The following TET3 variants were observed in gnomAD, a reference collection of about 807,000 sequenced individuals.
TET3 encodes the protein methylcytosine dioxygenase TET3.
Under a neutral mutation model 141.4 loss-of-function variants are expected in TET3, and 19 were observed. That is an observed-to-expected ratio of 0.13 (90% CI 0.09 to 0.20). The LOEUF (loss-of-function observed/expected upper bound fraction) is 0.20, where lower values mean the gene tolerates loss of function less well. TET3 is among the 10% of genes least tolerant of loss of function. The probability of loss-of-function intolerance (pLI) is 1.00; values close to 1 mark genes in which losing one functional copy is unlikely to be tolerated. For synonymous variants in TET3, 1,043 were observed against 980.9 expected, an observed-to-expected ratio of 1.06 and a Z score of -1.18; for missense variants, 1,874 against 2,356.9, an observed-to-expected ratio of 0.80 and a Z score of 4.24.
chr2:74,078,322 G>T (rs1050551719), intron 5 of TET3, among the ~76,000 whole-genome samples: 31 of 152,050 alleles, frequency 2.0e-4, no homozygotes, highest in Non-Finnish European at 1.9e-4. Flanking sequence ...ATTTTCTAAG[G>T]ATTTACAAAG....
chr2:74,125,448 G>A, the TET3 span, among the ~76,000 whole-genome samples: 1 of 152,202 alleles, frequency 6.6e-6, no homozygotes, highest in Non-Finnish European at 1.5e-5. Context: ...TCCTTGGCTA[G>A]TTTTGACTAT....
At chr2:74,113,032 A>AAC (rs1466135875), downstream of TET3, among the ~76,000 whole-genome samples, 3 of 148,520 alleles carry the variant, frequency 2.0e-5, no homozygotes, top group Non-Finnish European at 4.4e-5. Context: ...AAAAAAAAAA[A>AAC]AAACCCACAG....
In TET3 at chr2:74,101,226, C is replaced by G. The variant is rs1168123092; in HGVS notation, c.4438C>G (p.Leu1480Val). The change falls in exon 12 of 12, where the codon CTG becomes GTG. Residue 1480 changes from leucine to valine, a missense_variant. Coordinates refer to ENST00000409262, the MANE Select transcript of TET3 (RefSeq NM_001287491.2). The surrounding 1 kb of genome is among the most constrained non-coding windows in gnomAD (Gnocchi z 8.5). ...DKLSSFGASCLAPSHFTDGQW... is the reference protein window; with the variant it reads ...DKLSSFGASCVAPSHFTDGQW... ...GCTCAGTTCCTTTGGGGCCAGCTGC[C>G]TGGCCCCTTCCCACTTCACAGATGG... 6.2e-7 allele frequency: 1 copy of G among 1,612,982 alleles called. No individual in the cohort carries two copies. Among genetic ancestry groups the G allele is most frequent in the South Asian group, 1.1e-5 (1 of 90,928 alleles).
At position 74,047,929 on chromosome 2, in the gene TET3, C is replaced by T. The variant is rs758159255; in HGVS notation, c.2012C>T (p.Pro671Leu). 4 of 1,613,710 alleles carry T rather than the reference C, an allele frequency of 2.5e-6. No homozygotes were observed. The highest frequency in any genetic ancestry group is 4.5e-5 in the East Asian group (2 of 44,864). The change falls in exon 4 of 12, where the codon CCC (proline) becomes CTC (leucine). Residue 671 changes from proline to leucine, a missense_variant. Coordinates refer to ENST00000409262, the MANE Select transcript of TET3 (RefSeq NM_001287491.2). The stretch of plus-strand genomic sequence containing the variant: ...TCTCTTGCGCTATTTGCACCTAGTC[C>T]CTCCAGGGACAGCCTGCTGCCCCCT... ...EPSLALFAPS[P>L]SRDSLLPPTQ...
the TET3 span, among the ~76,000 whole-genome samples, chr2:74,124,565 T>C: frequency 6.6e-6 from 1 of 152,246 alleles, no homozygotes; most frequent in Non-Finnish European, 1.5e-5. Flanking sequence ...GGAGACTCCA[T>C]TTTGTTCTGT....
At chr2:74,031,813 A>C (rs1686708805) in intron 3 of TET3, among the ~76,000 whole-genome samples, 2 of 152,204 alleles carry the variant, frequency 1.3e-5, no homozygotes, top group Non-Finnish European at 2.9e-5. Context: ...GGGCAAACAC[A>C]CAGGGATTCC....
intron 2 of TET3, 76 bp downstream of exon 2, chr2:73,986,782 G>T (rs530447162): frequency 5.0e-5 from 60 of 1,198,430 alleles, no homozygotes; most frequent in Admixed American, 3.0e-4. Flanking sequence ...TTCAAGCAAG[G>T]CTCGTCCAGT....
At chr2:73,997,589 G>A (rs1173222102) in intron 2 of TET3, among the ~76,000 whole-genome samples, 1 of 152,094 alleles carries the variant, frequency 6.6e-6, no homozygotes, top group African/African-American at 2.4e-5. Flanking sequence ...GTGTATCCTG[G>A]GTCCCAGGAT....
chr2:74,123,610 C>T, the TET3 span, among the ~76,000 whole-genome samples: 1 of 152,172 alleles, frequency 6.6e-6, no homozygotes, highest in Non-Finnish European at 1.5e-5. Context: ...CTCGCTACAA[C>T]CTCCACCTCC....
chr2:74,114,475 C>T, the TET3 span, among the ~76,000 whole-genome samples: 1 of 152,120 alleles, frequency 6.6e-6, no homozygotes, highest in Admixed American at 6.5e-5. Context: ...TGTGAATACA[C>T]TTAATGCCAT....
At chr2:74,009,575 G>A (rs1685320284) in intron 3 of TET3, among the ~76,000 whole-genome samples, 1 of 152,192 alleles carries the variant, frequency 6.6e-6, no homozygotes, top group Non-Finnish European at 1.5e-5. Context: ...CCTGGAGGTG[G>A]TGTCCAAGAG....
Position 74,004,572 on chromosome 2 carries a change from G to A in TET3, c.360+1406G>A, listed in dbSNP as rs537920375. ...ATTTTGCTTCTGGAGCAGCTTCTGGGAAGGAGAAGAGCCAGGGGGCATCGG... is the reference window on the plus strand; with the variant it reads ...ATTTTGCTTCTGGAGCAGCTTCTGGAAAGGAGAAGAGCCAGGGGGCATCGG... On this transcript the variant is annotated intron_variant, in intron 3 of 11. Coordinates refer to ENST00000409262, the MANE Select transcript of TET3 (RefSeq NM_001287491.2). Among the ~76,000 whole-genome samples, 36 of 152,320 alleles carry A rather than the reference G, an allele frequency of 2.4e-4. 1 individual carries two copies. Among genetic ancestry groups the A allele is most frequent in the Non-Finnish European group, 4.4e-4 (30 of 68,024 alleles).
the TET3 span, among the ~76,000 whole-genome samples, chr2:74,124,648 CAT>C: frequency 6.6e-6 from 1 of 152,188 alleles, no homozygotes; most frequent in Non-Finnish European, 1.5e-5. Flanking sequence ...CTCTCTGAAA[CAT>C]GTGCTGTGTC....
chr2:74,108,423 C>T (rs1691622642), downstream of TET3, among the ~76,000 whole-genome samples: 1 of 152,196 alleles, frequency 6.6e-6, no homozygotes. Context: ...CTATGTTTCT[C>T]TTTTTGTTTT....
At position 74,047,586 on chromosome 2, in the gene TET3, C is replaced by T. The variant is rs1052328364; in HGVS notation, c.1669C>T (p.Pro557Ser). Residue 557 changes from proline (P) to serine (S), a missense_variant, in exon 4 of 12, where the codon CCT becomes TCT. Transcript: ENST00000409262. ...SFPAPSEPSA[P>S]GWWPPPSSPV... ...CCCTGCTCCTTCAGAGCCTTCTGCT[C>T]CTGGCTGGTGGCCCCCACCAAGTTC... The T allele has an allele frequency of 6.2e-7, 1 of 1,613,950 alleles. No homozygotes were observed.
Position 74,093,407 on chromosome 2 carries a change from T to C in TET3, c.3130-122T>C. On this transcript the variant is annotated intron_variant, in intron 9 of 11. Transcript: ENST00000409262. This position sits in a 1 kb window ranked among gnomAD's most constrained non-coding sequence, Gnocchi z 4.2. ...CAGCCAGAAAACCTCCCTCCTGCAG[T>C]CGAAGGGCAAGGTGACTATCATCCT... The C allele has an allele frequency of 7.5e-7, 1 of 1,341,992 alleles. No homozygotes were observed. The highest frequency in any genetic ancestry group is 9.8e-7 in the Non-Finnish European group (1 of 1,016,828). 83.1% of individuals were successfully genotyped at this position (1,341,992 alleles called of 1,614,324 possible). A position where few individuals can be genotyped will look rare whatever the true frequency, so the allele number is the denominator to read the frequency against.
intron 3 of TET3, among the ~76,000 whole-genome samples, chr2:74,041,958 C>G (rs953612885): frequency 6.6e-6 from 1 of 152,236 alleles, no homozygotes; most frequent in Non-Finnish European, 1.5e-5. Flanking sequence ...GGTTCTGTCA[C>G]TCAACATAGC....
intron 10 of TET3, among the ~76,000 whole-genome samples, chr2:74,097,122 AAAAG>A (rs146688375): frequency 0.46 from 64,965 of 141,686 alleles, 17,906 homozygotes; most frequent in Non-Finnish European, 0.59. Context: ...GAAAAAAAAA[AAAAG>A]AAAAGCAGGT....
intron 2 of TET3, among the ~76,000 whole-genome samples, chr2:74,000,189 C>G (rs1398098701): frequency 6.6e-6 from 1 of 152,116 alleles, no homozygotes; most frequent in East Asian, 1.9e-4. Context: ...TCTCTCAGAT[C>G]CTTGAGGACC....
Sources: gnomAD v4.1 joint callset for allele counts (sites outside exome capture counted in the v4.1 genomes callset) on GRCh38, gnomAD v4.1.1 for gene constraint, Gnocchi (gnomAD v3.1) non-coding constraint, MANE v1.5 for transcripts, NCBI Gene and HGNC (gene_info 2026-07-23, HGNC 2026-07-21) for gene names.